Variants in PSME4 observed in about 807,000 individuals in gnomAD.
PSME4 encodes proteasome activator subunit 4.
Under a neutral mutation model 253.9 loss-of-function variants are expected in PSME4, and 89 were observed. That is an observed-to-expected ratio of 0.35 (90% confidence interval 0.30 to 0.42). The LOEUF is 0.42. Among genes scored for constraint, PSME4 ranks in the 10% least tolerant of loss-of-function variants. The pLI, the probability that PSME4 is intolerant of heterozygous loss-of-function variation, is 1.00. For missense variants in PSME4, 2,014 were observed against 2,195.2 expected, an observed-to-expected ratio of 0.92 and a Z score of 1.65; for synonymous variants, 851 against 759.2, an observed-to-expected ratio of 1.12 and a Z score of -1.99.
Position 53,908,438 on chromosome 2 carries a change from A to C in PSME4, c.2686-20T>G, listed in dbSNP as rs763364848. On this transcript the variant is annotated intron_variant, in intron 23 of 46. Transcript: ENST00000404125. ...AATAATCTGTGTCAAAGAATTTCAA[A>C]TTGTATTTGCAAGTCATCAATCCAA... 1 of 1,612,656 alleles carries C rather than the reference A, an allele frequency of 6.2e-7. No homozygotes were observed. Among genetic ancestry groups the C allele is most frequent in the Non-Finnish European group, 8.5e-7 (1 of 1,179,274 alleles).
Position 53,970,887 on chromosome 2 carries a change from C to A in PSME4, c.-103G>T. The A allele has an allele frequency of 9.3e-7, 1 of 1,077,880 alleles. No individual in the cohort carries two copies. Among genetic ancestry groups the A allele is most frequent in the Non-Finnish European group, 1.3e-6 (1 of 793,446 alleles). The allele number at this position is 1,077,880 out of a possible 1,614,324, so 66.8% of individuals were successfully genotyped here. A position where few individuals can be genotyped will look rare whatever the true frequency, so the allele number is the denominator to read the frequency against. ...CCGCGTCTTCGTCGCCCTGCGGCCG[C>A]TGGCGGCCCGTCGCCCTCGGACCGA... On this transcript the variant is annotated 5_prime_UTR_variant, in exon 1 of 47. Transcript: ENST00000404125.
At position 53,923,424 on chromosome 2, in the gene PSME4, T is replaced by C. The variant is rs753380665; in HGVS notation, c.1810-5A>G. The C allele has an allele frequency of 2.5e-6, 4 of 1,586,806 alleles. No homozygotes were observed. In the South Asian group the frequency reaches 4.7e-5, roughly 19 times the overall value. ...AAAAACCTTCTGAAGGGCCACCTGTTAAGATATGAAAATGTTTAATGAGCA... is the reference window on the plus strand; with the variant it reads ...AAAAACCTTCTGAAGGGCCACCTGTCAAGATATGAAAATGTTTAATGAGCA... On this transcript the variant is annotated splice_region_variant and splice_polypyrimidine_tract_variant and intron_variant, in intron 14 of 46. Coordinates refer to ENST00000404125, the MANE Select transcript of PSME4 (RefSeq NM_014614.3).
At position 53,931,834 on chromosome 2, in the gene PSME4, C is replaced by A; in HGVS notation, c.1316+1G>T. ...GGCTGAGACTCCCACTAACCACTTA[C>A]CTTTCAAGTACAGGGGGTATTACCA... On this transcript the variant is annotated splice_donor_variant, in intron 10 of 46. Transcript: ENST00000404125. LOFTEE classifies it high-confidence loss of function. 1 of 1,613,794 alleles carries A rather than the reference C, an allele frequency of 6.2e-7. No individual in the cohort carries two copies. Among genetic ancestry groups the A allele is most frequent in the South Asian group, 1.1e-5 (1 of 91,038 alleles).
At chr2:53,909,090 A>G (rs1667704046) in intron 21 of PSME4, among the ~76,000 whole-genome samples, 1 of 152,122 alleles carries the variant, frequency 6.6e-6, no homozygotes, top group Non-Finnish European at 1.5e-5. Context: ...AAAAATAGAT[A>G]AAATGACCTG....
intron 10 of PSME4, among the ~76,000 whole-genome samples, chr2:53,930,524 T>C (rs1668776287): frequency 6.6e-6 from 1 of 152,130 alleles, no homozygotes; most frequent in African/African-American, 2.4e-5. Flanking sequence ...CATTTCCTAA[T>C]TAAGTTCTAT....
chr2:53,916,362 T>C (rs752500408), intron 20 of PSME4, among the ~76,000 whole-genome samples: 1 of 151,850 alleles, frequency 6.6e-6, no homozygotes, highest in African/African-American at 2.4e-5. Context: ...TTATTAACAA[T>C]AGATATTTTC....
At chr2:53,903,629 ACTT>A (rs1680513226) in intron 27 of PSME4, among the ~76,000 whole-genome samples, 1 of 151,880 alleles carries the variant, frequency 6.6e-6, no homozygotes, top group Admixed American at 6.6e-5. Flanking sequence ...ACTACTCTAA[ACTT>A]CTTGGTCTTT....
intron 20 of PSME4, among the ~76,000 whole-genome samples, chr2:53,913,463 G>C (rs1667920676): frequency 6.6e-6 from 1 of 152,170 alleles, no homozygotes; most frequent in African/African-American, 2.4e-5. Context: ...TGAAACAGCT[G>C]TAAACAATAA....
chr2:53,961,213 A>G (rs901691339), intron 1 of PSME4, among the ~76,000 whole-genome samples: 1 of 152,234 alleles, frequency 6.6e-6, no homozygotes, highest in Non-Finnish European at 1.5e-5. Flanking sequence ...TAACATTCCA[A>G]TAGAGGTCTC....
chr2:53,955,493 A>T (rs1442680399), intron 1 of PSME4, among the ~76,000 whole-genome samples: 1 of 152,194 alleles, frequency 6.6e-6, no homozygotes, highest in African/African-American at 2.4e-5. Flanking sequence ...CATGCTTTAG[A>T]CTATAATGCA....
At chr2:53,953,686 G>C (rs1418391044) in intron 1 of PSME4, among the ~76,000 whole-genome samples, 4 of 151,144 alleles carry the variant, frequency 2.6e-5, no homozygotes, top group Non-Finnish European at 5.9e-5. Context: ...AGACTACTCT[G>C]GTTTGACTTT....
At chr2:53,910,887 TAATC>T (rs1156921131) in intron 20 of PSME4, among the ~76,000 whole-genome samples, 1 of 152,202 alleles carries the variant, frequency 6.6e-6, no homozygotes, top group African/African-American at 2.4e-5. Flanking sequence ...AAGCTTTTAT[TAATC>T]AAAGAGATAC....
intron 20 of PSME4, among the ~76,000 whole-genome samples, 166 bp downstream of exon 20, chr2:53,918,985 G>A (rs1265763155): frequency 3.3e-5 from 5 of 151,974 alleles, no homozygotes; most frequent in Non-Finnish European, 7.4e-5. Flanking sequence ...AAGCCTTCAG[G>A]TTTATAAATC....
intron 1 of PSME4, among the ~76,000 whole-genome samples, chr2:53,968,737 C>A (rs918630994): frequency 1.3e-5 from 2 of 152,240 alleles, no homozygotes; most frequent in African/African-American, 4.8e-5. Context: ...CATCAGCTAT[C>A]TGCAATCCAG....
intron 1 of PSME4, among the ~76,000 whole-genome samples, chr2:53,960,584 G>A (rs1670443753): frequency 6.6e-6 from 1 of 152,166 alleles, no homozygotes; most frequent in South Asian, 2.1e-4. Flanking sequence ...AGCCAAGTAA[G>A]CAGGAACAGC....
intron 41 of PSME4, among the ~76,000 whole-genome samples, chr2:53,880,728 T>C (rs1679343434): frequency 6.6e-6 from 1 of 152,136 alleles, no homozygotes; most frequent in South Asian, 2.1e-4. Flanking sequence ...CAGAGACACA[T>C]TCATAGTCAA....
intron 26 of PSME4, among the ~76,000 whole-genome samples, chr2:53,905,601 CTGAGA>C (rs1201629617): frequency 6.6e-6 from 1 of 152,114 alleles, no homozygotes; most frequent in East Asian, 1.9e-4. Context: ...ATTTGGGAGG[CTGAGA>C]TAAGACGATC....
chr2:53,865,787 G>A, intron 46 of PSME4: 1 of 268,738 alleles, frequency 3.7e-6, no homozygotes. Flanking sequence ...CACCCAGGAG[G>A]CAACCAAGAA....
In PSME4 at chr2:53,933,375, C is replaced by CAAAAAAAAAAAAAAAAAA. The variant is rs571833072; in HGVS notation, c.958-633_958-616dup. The stretch of plus-strand genomic sequence containing the variant: ...CCTGGGCGATAGAGCGAGACCATCT[C>CAAAAAAAAAAAAAAAAAA]AAAAAAAAAAAAAAAAAAAAAAAAA... On this transcript the variant is annotated intron_variant, in intron 8 of 46. Coordinates refer to ENST00000404125, the MANE Select transcript of PSME4 (RefSeq NM_014614.3). 3.8e-4 allele frequency among the ~76,000 whole-genome samples: 23 copies of CAAAAAAAAAAAAAAAAAA among 60,616 alleles called. 2 individuals carry two copies. Among genetic ancestry groups the CAAAAAAAAAAAAAAAAAA allele is most frequent in the East Asian group, 1.3e-3 (3 of 2,334 alleles). The allele number at this position is 60,616 out of a possible 152,430, so 39.8% of individuals were successfully genotyped here.
Sources: allele counts gnomAD v4.1 joint callset (sites outside exome capture counted in the v4.1 genomes callset), GRCh38; gene constraint gnomAD v4.1.1; transcripts MANE v1.5; gene names NCBI Gene and HGNC (gene_info 2026-07-23, HGNC 2026-07-21).